DSE: variants seen among roughly 807,000 people sequenced by gnomAD.
DSE encodes dermatan-sulfate epimerase.
In DSE, 36 loss-of-function variants were observed where a neutral mutation model predicts 84.4. The ratio of observed to expected loss-of-function variants is 0.43; its 90% confidence interval spans 0.33 to 0.56. The LOEUF (loss-of-function observed/expected upper bound fraction) is 0.56. Among genes scored for constraint, DSE ranks in the 20% least tolerant of loss-of-function variants. DSE has a pLI of 0.06. For missense variants in DSE, 862 were observed against 1,169.6 expected, an observed-to-expected ratio of 0.74 and a Z score of 3.84; for synonymous variants, 410 against 430.1, an observed-to-expected ratio of 0.95 and a Z score of 0.58.
chr6:116,289,770 G>T (rs943438228), intron 2 of DSE, among the ~76,000 whole-genome samples: 4 of 151,986 alleles, frequency 2.6e-5, no homozygotes, highest in South Asian at 4.1e-4. Flanking sequence ...TTAATACTTT[G>T]GTTGTCATAA....
At chr6:116,295,593 G>C (rs1256830803) in intron 2 of DSE, among the ~76,000 whole-genome samples, 1 of 152,264 alleles carries the variant, frequency 6.6e-6, no homozygotes, top group African/African-American at 2.4e-5. Context: ...AAGTAGAGCT[G>C]TCTAGATTTT....
intron 2 of DSE, chr6:116,279,092 C>T: frequency 6.2e-7 from 1 of 1,613,776 alleles, no homozygotes; most frequent in Non-Finnish European, 8.5e-7. Flanking sequence ...AAGGCCCTGT[C>T]GGCCTGAGCA....
Position 116,436,150 on chromosome 6 carries a change from T to A in DSE, c.1682T>A (p.Leu561Gln), listed in dbSNP as rs1309704177. Residue 561 changes from leucine (L) to glutamine (Q), a missense_variant, in exon 6 of 6, where the codon CTA becomes CAA. Physicochemically the swap from Leu to Gln is moderately radical, Grantham distance 113. This residue lies in a region of DSE where 186 missense variants were observed against 255.1 expected (regional missense o/e 0.73). Transcript: ENST00000644252. ...AATGTTCAGAGGAATCTCATCCTCC[T>A]ACATCCACAGCTGCTTCTCCTTGTA... Reference protein sequence around the residue: ...LKNVQRNLILLHPQLLLLVDQ... With the variant: ...LKNVQRNLILQHPQLLLLVDQ... 20 of 1,613,032 alleles carry A rather than the reference T, an allele frequency of 1.2e-5. No homozygotes were observed. Among genetic ancestry groups the A allele is most frequent in the Non-Finnish European group, 1.7e-5 (20 of 1,180,012 alleles).
In DSE at chr6:116,334,987, G is replaced by C. The variant is rs141233807; in HGVS notation, c.-53-64211G>C. Among the ~76,000 whole-genome samples, 86 of 152,244 alleles carry C rather than the reference G, an allele frequency of 5.6e-4. 1 individual carries two copies. The East Asian group carries it at 0.015, about 26-fold the overall frequency. ...GAAGACAGTGTGGCAATTCCTCAAA[G>C]ACCTAAAGACAGAAATACCATTGGC... On this transcript the variant is annotated intron_variant, in intron 2 of 3. Coordinates refer to the DSE transcript ENST00000430252.
intron 2 of DSE, among the ~76,000 whole-genome samples, chr6:116,404,706 T>A (rs529089641): frequency 6.6e-6 from 1 of 152,408 alleles, no homozygotes; most frequent in Admixed American, 6.5e-5. Flanking sequence ...TACACAGGAA[T>A]AGTTACGAAT....
At chr6:116,281,330 C>T (rs1773516782) in intron 2 of DSE, among the ~76,000 whole-genome samples, 1 of 152,166 alleles carries the variant, frequency 6.6e-6, no homozygotes, top group Non-Finnish European at 1.5e-5. Context: ...GAGGTTATTA[C>T]CTCTAAACTC....
At chr6:116,342,343 C>T (rs1583051900) in intron 2 of DSE, among the ~76,000 whole-genome samples, 2 of 147,902 alleles carry the variant, frequency 1.4e-5, no homozygotes, top group East Asian at 2.0e-4. Context: ...TGCAATGGCG[C>T]GGTCTTGGCT....
At chr6:116,422,613 T>G (rs192959096) in intron 2 of DSE, among the ~76,000 whole-genome samples, 1 of 152,340 alleles carries the variant, frequency 6.6e-6, no homozygotes, top group East Asian at 1.9e-4. Context: ...TGAGATTTTA[T>G]AAAGATTAAT....
At chr6:116,417,488 T>A (rs1028062092) in intron 2 of DSE, among the ~76,000 whole-genome samples, 2 of 152,208 alleles carry the variant, frequency 1.3e-5, no homozygotes, top group African/African-American at 4.8e-5. Flanking sequence ...TGCTTTGGCA[T>A]AATTGACTCC....
At chr6:116,392,574 A>G (rs148631882) in intron 1 of DSE, among the ~76,000 whole-genome samples, 28 of 152,226 alleles carry the variant, frequency 1.8e-4, no homozygotes, top group African/African-American at 6.7e-4. Flanking sequence ...TTGTTTTCTA[A>G]ATATGATTAC....
At chr6:116,373,909 T>C (rs1316207074) in intron 1 of DSE, among the ~76,000 whole-genome samples, 1 of 152,206 alleles carries the variant, frequency 6.6e-6, no homozygotes, top group Non-Finnish European at 1.5e-5. Context: ...ATTGCATGAT[T>C]TTCACTCAAT....
chr6:116,437,143 G>C lies in DSE; in HGVS notation c.2675G>C (p.Arg892Thr), dbSNP rs371032206. The change falls in exon 6 of 6, where the codon AGG becomes ACG. Residue 892 changes from arginine to threonine, a missense_variant. By Grantham distance (71) the Arg-to-Thr change is moderately conservative (BLOSUM62 -1). Coordinates refer to ENST00000644252, the MANE Select transcript of DSE (RefSeq NM_013352.4). ...QARMVTTTHS[R>T]APSLSASYTR... ...CGGATGGTGACAACTACACACAGCA[G>C]GGCCCCATCACTGTCTGCTTCCTAT... The C allele has an allele frequency of 5.0e-6, 8 of 1,614,106 alleles. No individual in the cohort carries two copies. The highest frequency in any genetic ancestry group is 6.8e-6 in the Non-Finnish European group (8 of 1,180,000).
chr6:116,395,684 C>G (rs546911307), intron 1 of DSE, among the ~76,000 whole-genome samples: 1 of 152,152 alleles, frequency 6.6e-6, no homozygotes, highest in Admixed American at 6.5e-5. Context: ...AAAATAAGTA[C>G]GTAAAATTAA....
intron 2 of DSE, among the ~76,000 whole-genome samples, chr6:116,425,732 C>T (rs966042137): frequency 6.6e-6 from 1 of 150,704 alleles, no homozygotes; most frequent in Non-Finnish European, 1.5e-5. Context: ...ATGCCATTCT[C>T]CTGCCTCAGC....
intron 2 of DSE, among the ~76,000 whole-genome samples, chr6:116,357,325 G>A (rs76004278): frequency 0.19 from 29,638 of 152,006 alleles, 3,129 homozygotes; most frequent in Admixed American, 0.26. Context: ...GAGGTCAGGA[G>A]ATCGAGACCA....
chr6:116,375,988 C>T (rs955885213), intron 1 of DSE, among the ~76,000 whole-genome samples: 1 of 152,118 alleles, frequency 6.6e-6, no homozygotes, highest in Non-Finnish European at 1.5e-5. Flanking sequence ...ACTTAAATTA[C>T]ACATTTAATC....
rs190977380 is a variant in DSE at position 116,281,269 on chromosome 6, G to A, written c.-54+22302G>A. Among the ~76,000 whole-genome samples, 894 of 152,222 alleles carry A rather than the reference G, an allele frequency of 5.9e-3. 9 individuals are homozygous for A. Among genetic ancestry groups the A allele is most frequent in the African/African-American group, 0.02 (835 of 41,544 alleles). Reference sequence around the variant, plus strand: ...AAAGGCAGCCTCTAGAAGCTTGAAAGGTAAGGAAATAGATTCAATCCTAGA... The same window carrying A: ...AAAGGCAGCCTCTAGAAGCTTGAAAAGTAAGGAAATAGATTCAATCCTAGA... On this transcript the variant is annotated intron_variant, in intron 2 of 3. Coordinates refer to the DSE transcript ENST00000430252.
rs1289901840 is a variant in DSE at position 116,438,762 on chromosome 6, T to A, written c.*1417T>A. 1.3e-5 allele frequency: 2 copies of A among 152,236 alleles called. No homozygotes were observed. Among genetic ancestry groups the A allele is most frequent in the Non-Finnish European group, 2.9e-5 (2 of 68,032 alleles). The allele number at this position is 152,236 out of a possible 1,614,324, so 9.4% of individuals were successfully genotyped here. On this transcript the variant is annotated 3_prime_UTR_variant, in exon 6 of 6. Transcript: ENST00000644252. ...TAACAACAGTAACCTTTCCTCTTAC[T>A]TGCTCTTTTAGTTCACAGCAATACC...
chr6:116,336,367 T>C (rs12333246), intron 2 of DSE, among the ~76,000 whole-genome samples: 7,862 of 152,260 alleles, frequency 0.052, 665 homozygotes, highest in African/African-American at 0.17. Context: ...TTGTAAGAGT[T>C]GTGTTAAAGA....
Sources: gnomAD v4.1 joint callset for allele counts (sites outside exome capture counted in the v4.1 genomes callset) on GRCh38, gnomAD v4.1.1 for gene constraint, gnomAD v4.1.1 regional missense constraint, MANE v1.5 for transcripts, NCBI Gene and HGNC (gene_info 2026-07-23, HGNC 2026-07-21) for gene names.